Variants in GOLGA1 observed in about 807,000 individuals in gnomAD.
GOLGA1 encodes the protein golgin A1.
In GOLGA1, 63 loss-of-function variants were observed where a neutral mutation model predicts 119.7. The ratio of observed to expected loss-of-function variants is 0.53; its 90% CI spans 0.43 to 0.65. The LOEUF is 0.65. Among genes scored for constraint, GOLGA1 ranks in the 30% least tolerant of loss-of-function variants. The probability of loss-of-function intolerance (pLI) is 0.00; values close to 1 mark genes in which losing one functional copy is unlikely to be tolerated. For synonymous variants in GOLGA1, 318 were observed against 333.4 expected, an observed-to-expected ratio of 0.95 and a Z score of 0.50; for missense variants, 798 against 912.8, an observed-to-expected ratio of 0.87 and a Z score of 1.62.
chr9:124,894,649 T>C (rs915045860), intron 15 of GOLGA1, among the ~76,000 whole-genome samples: 4 of 152,138 alleles, frequency 2.6e-5, no homozygotes, highest in African/African-American at 7.2e-5. Flanking sequence ...GAATCCACTC[T>C]TGACATACCT....
At chr9:124,905,758 G>A (rs551618875) in intron 12 of GOLGA1, among the ~76,000 whole-genome samples, 55 of 152,266 alleles carry the variant, frequency 3.6e-4, no homozygotes, top group Non-Finnish European at 5.7e-4. Flanking sequence ...TTCAGCAGGG[G>A]TGTGATATCC....
chr9:124,942,539 G>A (rs1033683360), upstream of GOLGA1: 12 of 152,170 alleles, frequency 7.9e-5, no homozygotes, highest in Non-Finnish European at 1.5e-5. Flanking sequence ...ATAGTTCAAA[G>A]CCTCTGAGAT....
At chr9:124,937,049 G>A (rs1272271653) in intron 3 of GOLGA1, among the ~76,000 whole-genome samples, 2 of 152,154 alleles carry the variant, frequency 1.3e-5, no homozygotes, top group Non-Finnish European at 2.9e-5. Context: ...TAACAGAATT[G>A]ATAGTGTTCT....
intron 12 of GOLGA1, among the ~76,000 whole-genome samples, chr9:124,905,459 CAAAT>C (rs1358548477): frequency 1.3e-5 from 2 of 151,752 alleles, no homozygotes; most frequent in African/African-American, 2.4e-5. Flanking sequence ...GACTCTGCCT[CAAAT>C]AAATAAATAA....
At chr9:124,895,495 AACCCTCCACAACAGAG>A (rs1333896815) in intron 15 of GOLGA1, among the ~76,000 whole-genome samples, 60 of 144,312 alleles carry the variant, frequency 4.2e-4, no homozygotes, top group African/African-American at 1.2e-3. Context: ...CACAACAGAG[AACCCTCCACAACAGAG>A]ACCCTCCACA....
At chr9:124,934,470 G>C (rs1038191528) in intron 3 of GOLGA1, among the ~76,000 whole-genome samples, 3 of 152,082 alleles carry the variant, frequency 2.0e-5, no homozygotes, top group African/African-American at 7.2e-5. Flanking sequence ...GGAGTGAAAG[G>C]GGAAATGAGA....
intron 12 of GOLGA1, among the ~76,000 whole-genome samples, chr9:124,905,947 T>C (rs1424212428): frequency 6.6e-6 from 1 of 151,050 alleles, no homozygotes; most frequent in African/African-American, 2.4e-5. Context: ...ACCCCGTCTC[T>C]GCTAAAAATA....
intron 10 of GOLGA1, 114 bp from the exon 11 acceptor site, chr9:124,912,140 G>A: frequency 1.2e-6 from 1 of 864,338 alleles, no homozygotes. Context: ...TATCCTAGAA[G>A]AACAAACAGC....
At chr9:124,914,295 AG>A (rs1388898125) in intron 10 of GOLGA1, among the ~76,000 whole-genome samples, 1 of 152,186 alleles carries the variant, frequency 6.6e-6, no homozygotes, top group Non-Finnish European at 1.5e-5. Flanking sequence ...CAGGAGATCG[AG>A]ACCATCCTGG....
upstream of GOLGA1, chr9:124,945,638 TATTAA>T (rs2131559448): frequency 6.6e-6 from 1 of 152,326 alleles, no homozygotes; most frequent in East Asian, 1.9e-4. Context: ...TTCAATCAGT[TATTAA>T]ATTAGTTATA....
intron 10 of GOLGA1, among the ~76,000 whole-genome samples, chr9:124,912,838 G>A (rs1384871491): frequency 1.3e-5 from 2 of 151,728 alleles, no homozygotes; most frequent in East Asian, 1.9e-4. Context: ...CACTGTGCCT[G>A]GCCAGTCTAT....
chr9:124,891,222 G>T (rs636021), intron 15 of GOLGA1, among the ~76,000 whole-genome samples: 1 of 152,068 alleles, frequency 6.6e-6, no homozygotes, highest in Non-Finnish European at 1.5e-5. Context: ...ACTGTGGGAG[G>T]TGGGGTTGAC....
intron 1 of GOLGA1, chr9:124,947,251 A>C (rs1831160066): frequency 6.6e-6 from 1 of 152,188 alleles, no homozygotes; most frequent in South Asian, 2.1e-4. Flanking sequence ...AATAATACTT[A>C]AATATGGATC....
chr9:124,903,693 T>C (rs1426097464), intron 12 of GOLGA1, among the ~76,000 whole-genome samples: 3 of 148,818 alleles, frequency 2.0e-5, no homozygotes, highest in Admixed American at 6.7e-5. Flanking sequence ...ATTCAAGTGT[T>C]CATCAATGAA....
chr9:124,905,425 G>A (rs533409109), intron 12 of GOLGA1, among the ~76,000 whole-genome samples: 2 of 152,078 alleles, frequency 1.3e-5, no homozygotes, highest in South Asian at 4.1e-4. Flanking sequence ...TCATGCCACT[G>A]CACTCCAGCC....
intron 15 of GOLGA1, among the ~76,000 whole-genome samples, chr9:124,892,558 T>A (rs1829879673): frequency 6.6e-6 from 1 of 152,156 alleles, no homozygotes; most frequent in Admixed American, 6.5e-5. Context: ...GCTCACTGTG[T>A]GAGCCACTGT....
chr9:124,939,550 C>CTTTCTTTTT (rs1830954280), intron 2 of GOLGA1, among the ~76,000 whole-genome samples: 16 of 81,834 alleles, frequency 2.0e-4, no homozygotes, highest in African/African-American at 3.8e-4. Context: ...TTCTTTCTTT[C>CTTTCTTTTT]TTTTTTTTTT....
intron 11 of GOLGA1, among the ~76,000 whole-genome samples, chr9:124,910,171 C>T (rs768008925): frequency 6.6e-5 from 10 of 151,998 alleles, no homozygotes; most frequent in Non-Finnish European, 5.9e-5. Flanking sequence ...TCTTGTGATC[C>T]GCCCGCCTCG....
In GOLGA1 at chr9:124,921,871, G is replaced by C. The variant is rs1830577173; in HGVS notation, c.583C>G (p.Leu195Val). 2.5e-6 allele frequency: 4 copies of C among 1,612,578 alleles called. No homozygotes were observed. The East Asian group carries it at 8.9e-5, about 36-fold the overall frequency. ...TCCAATTCTTGTTCCATTTTCCCTA[G>C]ACTTTCTTCTTTTTTTAAAAGCTGA... ...KHMLLKKEES[L>V]GKMEQELEAR... The change falls in exon 9 of 23, where the codon CTA becomes GTA. Residue 195 changes from leucine (L) to valine (V), a missense_variant. By Grantham distance (32) the Leu-to-Val change is conservative (BLOSUM62 1). Transcript: ENST00000373555.
Sources: allele counts gnomAD v4.1 joint callset (sites outside exome capture counted in the v4.1 genomes callset), GRCh38; gene constraint gnomAD v4.1.1; transcripts MANE v1.5; gene names NCBI Gene and HGNC (gene_info 2026-07-23, HGNC 2026-07-21).